ESRRG: variants seen among roughly 807,000 people sequenced by gnomAD.
ESRRG encodes the protein estrogen related receptor gamma.
Under a neutral mutation model 44.0 loss-of-function variants are expected in ESRRG, and 13 were observed. That is an observed-to-expected ratio of 0.30 (90% CI 0.19 to 0.47). ESRRG has a LOEUF of 0.47. ESRRG is among the 20% of genes least tolerant of loss of function. The pLI, the probability that ESRRG is intolerant of heterozygous loss-of-function variation, is 1.00. For missense variants in ESRRG, 395 were observed against 580.6 expected (o/e 0.68, Z 3.29); for synonymous variants, 215 against 214.6 (o/e 1.00, Z -0.02).
intron 2 of ESRRG, among the ~76,000 whole-genome samples, chr1:216,760,596 T>C (rs1040853646): frequency 6.6e-6 from 1 of 151,914 alleles, no homozygotes; most frequent in Admixed American, 6.6e-5. Context: ...CAGGGAGGTC[T>C]TTTCTCTAAA....
intron 1 of ESRRG, among the ~76,000 whole-genome samples, chr1:217,024,722 T>C (rs756284355): frequency 5.3e-5 from 8 of 152,204 alleles, no homozygotes; most frequent in Non-Finnish European, 7.3e-5. Context: ...CTAGCAGTTG[T>C]AGGAATAATA....
chr1:216,723,227 A>G lies in ESRRG; in HGVS notation c.56+17T>C, dbSNP rs745796490. 1 of 1,612,388 alleles carries G rather than the reference A, an allele frequency of 6.2e-7. No homozygotes were observed. Among genetic ancestry groups the G allele is most frequent in the Admixed American group, 1.7e-5 (1 of 59,996 alleles). ...CCCCCACGACGAGTTTAAAAAGGAA[A>G]GAAAAAAGGTACCTACTCTTCCTCG... On this transcript the variant is annotated intron_variant, in intron 1 of 6. Coordinates refer to ENST00000408911, the MANE Select transcript of ESRRG (RefSeq NM_001438.4).
chr1:216,701,769 A>T (rs2081428352), intron 1 of ESRRG, among the ~76,000 whole-genome samples: 1 of 152,216 alleles, frequency 6.6e-6, no homozygotes, highest in Admixed American at 6.5e-5. Context: ...TGAATTTGAT[A>T]ATGAAGTTCT....
At chr1:216,754,014 T>C (rs780830916) in intron 2 of ESRRG, among the ~76,000 whole-genome samples, 12 of 152,088 alleles carry the variant, frequency 7.9e-5, no homozygotes, top group Non-Finnish European at 1.8e-4. Flanking sequence ...TTGGTTATCC[T>C]ACCATTGCTG....
At chr1:216,836,973 A>C (rs1197484573) in intron 2 of ESRRG, among the ~76,000 whole-genome samples, 1 of 152,214 alleles carries the variant, frequency 6.6e-6, no homozygotes, top group Non-Finnish European at 1.5e-5. Context: ...ACACACACTC[A>C]GAGCAGAAAC....
chr1:216,568,133 G>A (rs748077528), intron 3 of ESRRG, 35 bp from the exon 4 acceptor site: 5 of 1,458,630 alleles, frequency 3.4e-6, no homozygotes, highest in South Asian at 1.1e-5. Context: ...TTACTATTAA[G>A]GTAGCTATGT....
intron 1 of ESRRG, among the ~76,000 whole-genome samples, chr1:217,134,635 C>T (rs1007627122): frequency 5.3e-5 from 8 of 152,210 alleles, no homozygotes; most frequent in Non-Finnish European, 1.2e-4. Flanking sequence ...CGCGAGTTTC[C>T]AGCCAGCCGC....
At chr1:217,114,162 TTAAA>T (rs1401842873) in intron 1 of ESRRG, among the ~76,000 whole-genome samples, 1 of 152,032 alleles carries the variant, frequency 6.6e-6, no homozygotes, top group African/African-American at 2.4e-5. Context: ...ATATGAAACT[TTAAA>T]TAAGTATTAG....
At position 216,695,626 on chromosome 1, in the gene ESRRG, G is replaced by A. The variant is rs139448061; in HGVS notation, c.57-18135C>T. ...TTAATAAATGTGTCACTTAAGAGAC[G>A]TTTGTTGAATAAGTAAATGAATGAA... On this transcript the variant is annotated intron_variant, in intron 1 of 6. Coordinates refer to ENST00000408911, the MANE Select transcript of ESRRG (RefSeq NM_001438.4). Among the ~76,000 whole-genome samples, 1,395 of 152,254 alleles carry A rather than the reference G, an allele frequency of 9.2e-3. 22 individuals are homozygous for A. Among genetic ancestry groups the A allele is most frequent in the African/African-American group, 0.031 (1,297 of 41,548 alleles).
Position 216,720,542 on chromosome 1 carries a change from G to C in ESRRG, c.56+2702C>G, listed in dbSNP as rs559189931. On this transcript the variant is annotated intron_variant, in intron 1 of 6. Coordinates refer to ENST00000408911, the MANE Select transcript of ESRRG (RefSeq NM_001438.4). ...AGCTCTTATCATTCCCTAAAAAAAA[G>C]GCATCCCCTCTGATCTCGGCTTTTT... is the stretch of plus-strand genomic sequence containing the variant. Among the ~76,000 whole-genome samples the C allele has an allele frequency of 3.4e-4, 52 of 152,022 alleles. No individual in the cohort carries two copies. In the Middle Eastern group the frequency reaches 0.014, roughly 40 times the overall value.
At chr1:216,854,353 C>CAAAAAAAA (rs57421256) in intron 2 of ESRRG, among the ~76,000 whole-genome samples, 3 of 67,120 alleles carry the variant, frequency 4.5e-5, no homozygotes, top group Non-Finnish European at 5.2e-5. Context: ...AAGACACCAT[C>CAAAAAAAA]AAAAAAAAAA....
In ESRRG at chr1:217,118,111, C is replaced by A. The variant is rs186533121; in HGVS notation, c.-230+19556G>T. Among the ~76,000 whole-genome samples the A allele has an allele frequency of 2.3e-3, 354 of 152,340 alleles. 1 individual carries two copies. The highest frequency in any genetic ancestry group is 3.6e-3 in the Admixed American group (55 of 15,298). ...ATAATAACACTTAAAATTCTCTCAA[C>A]AACCCTATGCAATAAGTATACTACT... On this transcript the variant is annotated intron_variant, in intron 1 of 8. Transcript: ENST00000366940.
At position 216,503,477 on chromosome 1, in the gene ESRRG, C is replaced by T. The variant is rs536022576; in HGVS notation, c.*3462G>A. 6.6e-6 allele frequency: 1 copy of T among 152,410 alleles called. No homozygotes were observed. Among genetic ancestry groups the T allele is most frequent in the East Asian group, 1.9e-4 (1 of 5,160 alleles). The allele number at this position is 152,410 out of a possible 1,614,324, so 9.4% of individuals were successfully genotyped here. On this transcript the variant is annotated 3_prime_UTR_variant, in exon 7 of 7. Coordinates refer to ENST00000408911, the MANE Select transcript of ESRRG (RefSeq NM_001438.4). ...AATTGATTGCTTTACAGATGTGAAGCCCATCTACAGCTATAGACATGGTTT... is the reference window on the plus strand; with the variant it reads ...AATTGATTGCTTTACAGATGTGAAGTCCATCTACAGCTATAGACATGGTTT...
intron 2 of ESRRG, among the ~76,000 whole-genome samples, chr1:216,772,477 A>G (rs2152398332): frequency 6.6e-6 from 1 of 152,286 alleles, no homozygotes; most frequent in South Asian, 2.1e-4. Context: ...ACCAATAGCT[A>G]GAGCACAATG....
chr1:217,073,489 G>C (rs543301455), intron 1 of ESRRG, among the ~76,000 whole-genome samples: 4 of 152,084 alleles, frequency 2.6e-5, no homozygotes, highest in Non-Finnish European at 5.9e-5. Context: ...ACTGAGCAAG[G>C]CTTCCCTAGG....
At chr1:216,912,941 A>G (rs1578067125) in intron 2 of ESRRG, among the ~76,000 whole-genome samples, 1 of 151,738 alleles carries the variant, frequency 6.6e-6, no homozygotes, top group African/African-American at 2.4e-5. Flanking sequence ...GGCCAACATG[A>G]TGAAACCTCG....
chr1:217,040,227 G>A (rs2083601085), intron 1 of ESRRG, among the ~76,000 whole-genome samples: 1 of 152,122 alleles, frequency 6.6e-6, no homozygotes, highest in Non-Finnish European at 1.5e-5. Context: ...TAGACGGTAA[G>A]AAAATAGGTA....
intron 1 of ESRRG, among the ~76,000 whole-genome samples, chr1:217,021,407 C>T (rs182274134): frequency 1.1e-3 from 167 of 152,314 alleles, no homozygotes; most frequent in African/African-American, 3.9e-3. Flanking sequence ...GCTGCAAAGC[C>T]ATGGACTCTC....
At chr1:216,957,070 A>C (rs1320041859) in intron 1 of ESRRG, among the ~76,000 whole-genome samples, 1 of 152,194 alleles carries the variant, frequency 6.6e-6, no homozygotes, top group East Asian at 1.9e-4. Flanking sequence ...TTAAATGTGA[A>C]AAGGACTTGG....
Sources: allele counts gnomAD v4.1 joint callset (sites outside exome capture counted in the v4.1 genomes callset), GRCh38; gene constraint gnomAD v4.1.1; transcripts MANE v1.5; gene names NCBI Gene and HGNC (gene_info 2026-07-23, HGNC 2026-07-21).